Variants in ZNF211 observed in about 807,000 individuals in gnomAD.
ZNF211 encodes zinc finger protein C2H2-25.
ZNF211 carries 18 observed loss-of-function variants against 12.1 expected under a neutral mutation model. The ratio of observed to expected loss-of-function variants is 1.48; its 90% CI spans 1.03 to 2.20. The LOEUF (loss-of-function observed/expected upper bound fraction) is 2.20. Among genes scored for constraint, ZNF211 ranks in the 30% most tolerant of loss-of-function variants. The probability of loss-of-function intolerance (pLI) is 0.00; values close to 1 mark genes in which losing one functional copy is unlikely to be tolerated. For missense variants in ZNF211, 677 were observed against 703.1 expected, an observed-to-expected ratio of 0.96 and a Z score of 0.42; for synonymous variants, 249 against 246.0, an observed-to-expected ratio of 1.01 and a Z score of -0.11.
In ZNF211 at chr19:57,643,566, A is replaced by C. The variant is rs1983206278; in HGVS notation, c.*1385A>C. Among the ~76,000 whole-genome samples the C allele has an allele frequency of 6.6e-6, 1 of 152,210 alleles. No homozygotes were observed. Among genetic ancestry groups the C allele is most frequent in the Non-Finnish European group, 1.5e-5 (1 of 68,042 alleles). ...ATCATCCTGTGTTTAAATGAATTCAAATCAGTTTCATTGATTACCAGTATT... is the reference window on the plus strand; with the variant it reads ...ATCATCCTGTGTTTAAATGAATTCACATCAGTTTCATTGATTACCAGTATT... On this transcript the variant is annotated 3_prime_UTR_variant, in exon 4 of 4. Coordinates refer to ENST00000240731, the MANE Select transcript of ZNF211 (RefSeq NM_006385.5).
At chr19:57,639,934 T>A (rs752939560) in intron 3 of ZNF211, 138 of 1,535,472 alleles carry the variant, frequency 9.0e-5, no homozygotes, top group Non-Finnish European at 1.1e-4. Flanking sequence ...CCTGGTCTCA[T>A]GTAGTTGCTC....
chr19:57,642,331 C>G lies in ZNF211; in HGVS notation c.*150C>G. The G allele has an allele frequency of 1.2e-6, 1 of 843,776 alleles. No individual in the cohort carries two copies. 52.3% of individuals were successfully genotyped at this position (843,776 alleles called of 1,614,324 possible). On this transcript the variant is annotated 3_prime_UTR_variant, in exon 4 of 4. Coordinates refer to ENST00000240731, the MANE Select transcript of ZNF211 (RefSeq NM_006385.5). ...AAGTTCCAGGTATGTGTTACACTTTCTAACATGCCATTTAGAAAGTGTTAG... is the reference window on the plus strand; with the variant it reads ...AAGTTCCAGGTATGTGTTACACTTTGTAACATGCCATTTAGAAAGTGTTAG...
intron 3 of ZNF211, among the ~76,000 whole-genome samples, chr19:57,638,772 G>C (rs1982465305): frequency 6.6e-6 from 1 of 152,102 alleles, no homozygotes; most frequent in Non-Finnish European, 1.5e-5. Flanking sequence ...CTCTCTGATT[G>C]TTCTATCCGC....
In ZNF211 at chr19:57,641,556, T is replaced by C. The variant is rs1982945017; in HGVS notation, c.1109T>C (p.Met370Thr). Residue 370 changes from methionine to threonine, a missense_variant, in exon 4 of 4, where the codon ATG becomes ACG. Physicochemically the swap from Met to Thr is moderately conservative, Grantham distance 81. Transcript: ENST00000240731. ...TCTTTTAGCCAAAGGTCCAACCTCA[T>C]GCAGCATCGCAGAGTTCACACTGGA... ...GKSFSQRSNL[M>T]QHRRVHTGER... 4 of 1,612,886 alleles carry C rather than the reference T, an allele frequency of 2.5e-6. No individual in the cohort carries two copies. Among genetic ancestry groups the C allele is most frequent in the Non-Finnish European group, 3.4e-6 (4 of 1,179,726 alleles).
chr19:57,638,695 T>C (rs1364649539), intron 3 of ZNF211, among the ~76,000 whole-genome samples: 3 of 152,194 alleles, frequency 2.0e-5, no homozygotes, highest in Non-Finnish European at 4.4e-5. Context: ...CTGTTGTTGT[T>C]GGGTAGAATG....
intron 3 of ZNF211, among the ~76,000 whole-genome samples, chr19:57,635,440 G>A (rs1388935872): frequency 6.6e-6 from 1 of 151,982 alleles, no homozygotes; most frequent in Non-Finnish European, 1.5e-5. Flanking sequence ...TTTTACTTTT[G>A]GTCTGTATGA....
chr19:57,642,069 G>T lies in ZNF211; in HGVS notation c.1622G>T (p.Arg541Leu). 6.2e-7 allele frequency: 1 copy of T among 1,614,016 alleles called. No homozygotes were observed. The highest frequency in any genetic ancestry group is 2.2e-5 in the East Asian group (1 of 44,864). Residue 541 changes from arginine to leucine, a missense_variant, in exon 4 of 4, where the codon CGC becomes CTC. Arg to Leu is a moderately radical substitution (Grantham distance 102). Coordinates refer to ENST00000240731, the MANE Select transcript of ZNF211 (RefSeq NM_006385.5). ...CAAAGTTCTAGCCTCATTCAACACC[G>T]CAGAGTTCACACGGGAAAAAGGCCT... ...FSQSSSLIQHRRVHTGKRPYQ... is the reference protein window; with the variant it reads ...FSQSSSLIQHLRVHTGKRPYQ...
chr19:57,639,991 G>T, intron 3 of ZNF211: 1 of 1,535,984 alleles, frequency 6.5e-7, no homozygotes, highest in Non-Finnish European at 8.7e-7. Context: ...GGATGTTCAT[G>T]ACTCCAGCCT....
chr19:57,636,260 C>CT (rs1982119326), intron 3 of ZNF211, among the ~76,000 whole-genome samples: 1 of 152,052 alleles, frequency 6.6e-6, no homozygotes, highest in African/African-American at 2.4e-5. Flanking sequence ...TTCAGTTTTA[C>CT]TTTTTTACTT....
chr19:57,639,363 T>TC lies in ZNF211; in HGVS notation c.257-1341_257-1340insC, dbSNP rs1168411527. 2.1e-5 allele frequency among the ~76,000 whole-genome samples: 3 copies of TC among 140,806 alleles called. No homozygotes were observed. The Admixed American group carries it at 2.1e-4, about 10-fold the overall frequency. The allele number at this position is 140,806 out of a possible 152,430, so 92.4% of individuals were successfully genotyped here. On this transcript the variant is annotated intron_variant, in intron 3 of 3. Coordinates refer to ENST00000240731, the MANE Select transcript of ZNF211 (RefSeq NM_006385.5). ...CTTTTGTGTTTGGCTCACTTTTTTT[T>TC]TTTTTTTTTTTTAGTGAAACTTCCC...
In ZNF211 at chr19:57,640,556, C is replaced by T. The variant is rs1982752615; in HGVS notation, c.257-148C>T. The T allele has an allele frequency of 1.4e-5, 14 of 983,556 alleles. No homozygotes were observed. The South Asian group carries it at 2.1e-4, about 15-fold the overall frequency. 60.9% of individuals were successfully genotyped at this position (983,556 alleles called of 1,614,324 possible). A position where few individuals can be genotyped will look rare whatever the true frequency, so the allele number is the denominator to read the frequency against. Reference sequence around the variant, plus strand: ...CTTAGGGACAAGTAATGCACAACAGCTGCTTCCTCAACCTGACCCCCCAAC... The same window carrying T: ...CTTAGGGACAAGTAATGCACAACAGTTGCTTCCTCAACCTGACCCCCCAAC... On this transcript the variant is annotated intron_variant, in intron 3 of 3. Coordinates refer to ENST00000240731, the MANE Select transcript of ZNF211 (RefSeq NM_006385.5).
chr19:57,633,778 C>T, intron 1 of ZNF211: 1 of 1,540,432 alleles, frequency 6.5e-7, no homozygotes, highest in Non-Finnish European at 8.7e-7. Flanking sequence ...TTGAAAAATC[C>T]TCTGCAGGCT....
At chr19:57,633,898 G>A (rs1568636529) in intron 1 of ZNF211, 125 bp from the exon 2 acceptor site, 2 of 1,608,746 alleles carry the variant, frequency 1.2e-6, no homozygotes, top group Non-Finnish European at 1.7e-6. Context: ...AAGGACCGAG[G>A]CGCACAGGTT....
intron 3 of ZNF211, among the ~76,000 whole-genome samples, chr19:57,635,103 C>T (rs1335742289): frequency 6.6e-6 from 1 of 152,188 alleles, no homozygotes; most frequent in South Asian, 2.1e-4. Flanking sequence ...TAGTCACTGA[C>T]ATTGCCACTA....
At chr19:57,634,141 TG>T (rs1981837424) in intron 2 of ZNF211, 80 bp downstream of exon 2, 1 of 1,446,080 alleles carries the variant, frequency 6.9e-7, no homozygotes, top group Non-Finnish European at 9.3e-7. Context: ...TTTAGATTTG[TG>T]GTGTCATGGG....
At position 57,634,203 on chromosome 19, in the gene ZNF211, T is replaced by G. The variant is rs936359395; in HGVS notation, c.129+142T>G. On this transcript the variant is annotated intron_variant, in intron 2 of 3. Transcript: ENST00000240731. ...TGGTTTGGGAACCCTGGAGAATCCC[T>G]GAGCTAAGGGCCCTGAGTCCAGGCC... 8 of 906,822 alleles carry G rather than the reference T, an allele frequency of 8.8e-6. No individual in the cohort carries two copies. In the African/African-American group the frequency reaches 1.3e-4, roughly 15 times the overall value. 56.2% of individuals were successfully genotyped at this position (906,822 alleles called of 1,614,324 possible). A position where few individuals can be genotyped will look rare whatever the true frequency, so the allele number is the denominator to read the frequency against.
At chr19:57,640,405 C>T (rs10420191) in intron 3 of ZNF211, among the ~76,000 whole-genome samples, 7,266 of 152,270 alleles carry the variant, frequency 0.048, 259 homozygotes, top group East Asian at 0.15. Flanking sequence ...CATCACTTGT[C>T]ACCAGCAGAT....
In ZNF211 at chr19:57,642,037, C is replaced by G. The variant is rs1404678032; in HGVS notation, c.1590C>G (p.Ser530=). 2 of 1,613,986 alleles carry G rather than the reference C, an allele frequency of 1.2e-6. No homozygotes were observed. Among genetic ancestry groups the G allele is most frequent in the African/African-American group, 1.3e-5 (1 of 74,904 alleles). ...RPYECSECGK[S]FSQSSSLIQH... ...ATGAGTGCAGTGAATGTGGGAAATC[C>G]TTTAGCCAAAGTTCTAGCCTCATTC... Residue 530 remains serine, a synonymous_variant, in exon 4 of 4, where the codon TCC becomes TCG. Transcript: ENST00000240731.
At chr19:57,639,919 A>AT (rs1236756084) in intron 3 of ZNF211, 5 of 1,535,296 alleles carry the variant, frequency 3.3e-6, no homozygotes, top group Non-Finnish European at 4.4e-6. Context: ...TAGGACTTAT[A>AT]TCATCCTGGT....
Sources: allele counts gnomAD v4.1 joint callset (sites outside exome capture counted in the v4.1 genomes callset), GRCh38; gene constraint gnomAD v4.1.1; transcripts MANE v1.5; gene names NCBI Gene and HGNC (gene_info 2026-07-23, HGNC 2026-07-21).